The following SLCO1B1 variants were observed in gnomAD, a reference collection of about 807,000 sequenced individuals.
SLCO1B1 encodes solute carrier organic anion transporter family member 1B1, also known as OATP-2.
In SLCO1B1, 81 loss-of-function variants were observed where a neutral mutation model predicts 70.1. The observed-to-expected ratio is 1.16, with a 90% CI of 0.97 to 1.39. The LOEUF is 1.39. Ranked by LOEUF, SLCO1B1 falls within the 40% of genes most tolerant of loss-of-function variation. SLCO1B1 has a pLI of 0.00. For missense variants in SLCO1B1, 895 were observed against 799.6 expected (o/e 1.12, Z -1.44); for synonymous variants, 283 against 271.5 (o/e 1.04, Z -0.42).
At chr12:21,197,260 A>G (rs1182671449) in intron 8 of SLCO1B1, 72 bp downstream of exon 8, 14 of 1,540,740 alleles carry the variant, frequency 9.1e-6, no homozygotes, top group Admixed American at 1.7e-5. Flanking sequence ...GTATTCCAAA[A>G]TAATAAAGCA....
At chr12:21,169,051 G>A (rs769171821) in intron 2 of SLCO1B1, among the ~76,000 whole-genome samples, 11 of 152,020 alleles carry the variant, frequency 7.2e-5, no homozygotes, top group Non-Finnish European at 1.5e-4. Flanking sequence ...TATAGTATAG[G>A]GTAAGGGCCC....
chr12:21,144,650 A>G (rs975864676), intron 2 of SLCO1B1, among the ~76,000 whole-genome samples: 1 of 152,174 alleles, frequency 6.6e-6, no homozygotes, highest in Non-Finnish European at 1.5e-5. Flanking sequence ...AAAAAACCTT[A>G]AAGGCAGCTA....
At chr12:21,232,380 A>AAG (rs1378651466) in intron 14 of SLCO1B1, among the ~76,000 whole-genome samples, 1 of 152,186 alleles carries the variant, frequency 6.6e-6, no homozygotes, top group Admixed American at 6.5e-5. Flanking sequence ...GGCAGAGACC[A>AAG]AGAGTAAGTA....
chr12:21,178,449 T>C, intron 5 of SLCO1B1, 127 bp from the exon 6 acceptor site: 1 of 661,270 alleles, frequency 1.5e-6, no homozygotes, highest in Non-Finnish European at 2.5e-6. Context: ...GCAAAGTGAA[T>C]ATAAATTACT....
intron 2 of SLCO1B1, among the ~76,000 whole-genome samples, chr12:21,152,819 T>G (rs1303629492): frequency 6.6e-6 from 1 of 152,104 alleles, no homozygotes; most frequent in Non-Finnish European, 1.5e-5. Flanking sequence ...ATTTCAAAAA[T>G]GAGTCTTGTC....
chr12:21,217,614 T>G (rs1201303073), intron 12 of SLCO1B1, among the ~76,000 whole-genome samples: 3 of 152,176 alleles, frequency 2.0e-5, no homozygotes, highest in African/African-American at 7.2e-5. Flanking sequence ...TGTTGAATTT[T>G]GAGTTGCCTT....
intron 2 of SLCO1B1, among the ~76,000 whole-genome samples, chr12:21,145,680 A>T (rs1257946502): frequency 6.6e-6 from 1 of 151,858 alleles, no homozygotes; most frequent in African/African-American, 2.4e-5. Flanking sequence ...ATAAATGAAA[A>T]TTTGAGAATA....
intron 2 of SLCO1B1, among the ~76,000 whole-genome samples, chr12:21,143,814 C>T (rs1940346042): frequency 6.6e-6 from 1 of 152,012 alleles, no homozygotes; most frequent in Non-Finnish European, 1.5e-5. Flanking sequence ...TCATTCCATA[C>T]TTCTAAAAAA....
At chr12:21,209,575 G>T (rs1941255229) in intron 11 of SLCO1B1, among the ~76,000 whole-genome samples, 1 of 152,190 alleles carries the variant, frequency 6.6e-6, no homozygotes, top group Non-Finnish European at 1.5e-5. Flanking sequence ...TATATACCCA[G>T]TAATGGGATG....
chr12:21,194,218 T>G (rs1048303349), intron 7 of SLCO1B1, among the ~76,000 whole-genome samples: 10 of 151,184 alleles, frequency 6.6e-5, no homozygotes, highest in African/African-American at 2.4e-4. Flanking sequence ...GGTTTCTCCA[T>G]GTTGGTCAGG....
chr12:21,145,853 C>A (rs1436770742), intron 2 of SLCO1B1, among the ~76,000 whole-genome samples: 1 of 151,918 alleles, frequency 6.6e-6, no homozygotes. Flanking sequence ...GTTACATTTG[C>A]CTATTTCCAA....
intron 7 of SLCO1B1, among the ~76,000 whole-genome samples, chr12:21,188,550 A>G (rs979201760): frequency 1.3e-5 from 2 of 152,078 alleles, no homozygotes; most frequent in African/African-American, 2.4e-5. Context: ...TGTAATCCCC[A>G]ATGACGGAGG....
intron 7 of SLCO1B1, 117 bp downstream of exon 7, chr12:21,179,137 A>C (rs1940862509): frequency 1.4e-6 from 1 of 711,408 alleles, no homozygotes; most frequent in Admixed American, 2.1e-5. Context: ...ATATAATTAG[A>C]AAGTTACAAG....
At chr12:21,135,663 C>CT (rs1032530655) in intron 1 of SLCO1B1, among the ~76,000 whole-genome samples, 8 of 151,890 alleles carry the variant, frequency 5.3e-5, no homozygotes, top group African/African-American at 1.5e-4. Flanking sequence ...CAACCCCTGC[C>CT]TTTTTTTGTT....
rs1225718617 is a variant in SLCO1B1 at position 21,178,939 on chromosome 12, G to T, written c.646G>T (p.Ala216Ser). Residue 216 changes from alanine (A) to serine (S), a missense_variant, in exon 7 of 15, where the codon GCA becomes TCA. Coordinates refer to ENST00000256958, the MANE Select transcript of SLCO1B1 (RefSeq NM_006446.5). ...SLYLGILNAI[A>S]MIGPIIGFTL... ...ATTTTCAGGTATATTGAATGCAATA[G>T]CAATGATTGGTCCAATCATTGGCTT... 1.2e-6 allele frequency: 2 copies of T among 1,608,528 alleles called. No individual in the cohort carries two copies. Among genetic ancestry groups the T allele is most frequent in the Admixed American group, 3.3e-5 (2 of 59,946 alleles).
At chr12:21,208,766 G>A (rs1412127092) in intron 11 of SLCO1B1, among the ~76,000 whole-genome samples, 1 of 152,076 alleles carries the variant, frequency 6.6e-6, no homozygotes, top group Non-Finnish European at 1.5e-5. Flanking sequence ...AGAGTAGAAT[G>A]TTTTTCCACT....
chr12:21,170,388 T>C (rs1202959761), intron 2 of SLCO1B1, among the ~76,000 whole-genome samples: 1 of 149,028 alleles, frequency 6.7e-6, no homozygotes, highest in African/African-American at 2.5e-5. Flanking sequence ...ATTTAGTACA[T>C]ATGTTGTTAA....
At chr12:21,218,901 A>T (rs1375324737) in intron 12 of SLCO1B1, among the ~76,000 whole-genome samples, 1 of 152,248 alleles carries the variant, frequency 6.6e-6, no homozygotes, top group African/African-American at 2.4e-5. Flanking sequence ...ATAAAAATAT[A>T]AATTTCAGTT....
At chr12:21,177,025 C>A in intron 5 of SLCO1B1, 128 bp downstream of exon 5, 1 of 715,434 alleles carries the variant, frequency 1.4e-6, no homozygotes, top group Non-Finnish European at 2.5e-6. Flanking sequence ...TTGACTCTTA[C>A]AGACATAATT....
Sources: allele counts gnomAD v4.1 joint callset (sites outside exome capture counted in the v4.1 genomes callset), GRCh38; gene constraint gnomAD v4.1.1; transcripts MANE v1.5; gene names NCBI Gene and HGNC (gene_info 2026-07-23, HGNC 2026-07-21).